Variants in ATP8A2 observed in about 807,000 individuals in gnomAD.
The protein encoded by ATP8A2 is phospholipid-transporting ATPase IB.
A neutral mutation model predicts 165.6 loss-of-function variants in ATP8A2; 100 were observed. That is an observed-to-expected ratio of 0.60 (90% CI 0.51 to 0.71). ATP8A2 has a LOEUF of 0.71. Among genes scored for constraint, ATP8A2 ranks in the 30% least tolerant of loss-of-function variants. The pLI, the probability that ATP8A2 is intolerant of heterozygous loss-of-function variation, is 0.00. For missense variants in ATP8A2, 1,227 were observed against 1,479.5 expected (o/e 0.83, Z 2.80); for synonymous variants, 543 against 548.8 (o/e 0.99, Z 0.15).
chr13:25,853,405 ATATATG>A (rs879428294), intron 30 of ATP8A2, among the ~76,000 whole-genome samples: 4,899 of 138,638 alleles, frequency 0.035, 116 homozygotes, highest in African/African-American at 0.048. Context: ...AAATATATAT[ATATATG>A]TATATATATA....
intron 24 of ATP8A2, among the ~76,000 whole-genome samples, chr13:25,680,721 C>T (rs1046019446): frequency 4.6e-5 from 7 of 152,186 alleles, no homozygotes; most frequent in South Asian, 2.1e-4. Flanking sequence ...GCTCCTTGTA[C>T]GTCAGTCTCT....
At chr13:25,613,016 T>C (rs2040728209) in intron 24 of ATP8A2, among the ~76,000 whole-genome samples, 1 of 152,176 alleles carries the variant, frequency 6.6e-6, no homozygotes, top group South Asian at 2.1e-4. Flanking sequence ...TGTGAGTCCT[T>C]GCATGTTAGG....
At chr13:25,575,462 C>T (rs1593566682) in intron 19 of ATP8A2, among the ~76,000 whole-genome samples, 1 of 152,198 alleles carries the variant, frequency 6.6e-6, no homozygotes, top group Non-Finnish European at 1.5e-5. Flanking sequence ...GTTTCTTTGC[C>T]TCTTTTTAAC....
At chr13:25,535,650 C>CA (rs1327966823) in intron 6 of ATP8A2, among the ~76,000 whole-genome samples, 3 of 151,912 alleles carry the variant, frequency 2.0e-5, no homozygotes, top group Non-Finnish European at 4.4e-5. Context: ...CCCATCTCTA[C>CA]AAAAAAATAC....
intron 24 of ATP8A2, among the ~76,000 whole-genome samples, chr13:25,644,487 C>T (rs2041618461): frequency 6.7e-6 from 1 of 148,420 alleles, no homozygotes; most frequent in African/African-American, 2.5e-5. Context: ...ATTTTTGCAT[C>T]TGTGTTCATC....
At chr13:25,393,935 T>G (rs192987691) in intron 1 of ATP8A2, among the ~76,000 whole-genome samples, 1 of 152,356 alleles carries the variant, frequency 6.6e-6, no homozygotes, top group East Asian at 1.9e-4. Context: ...TTGGGAAAAC[T>G]ATGAAACTTA....
chr13:25,887,465 A>G (rs982976530), intron 33 of ATP8A2, among the ~76,000 whole-genome samples: 1 of 151,996 alleles, frequency 6.6e-6, no homozygotes, highest in Non-Finnish European at 1.5e-5. Flanking sequence ...CAGCCTCTCA[A>G]GTAGCTGGGA....
At chr13:25,907,654 A>G (rs979118286) in intron 33 of ATP8A2, among the ~76,000 whole-genome samples, 1 of 152,096 alleles carries the variant, frequency 6.6e-6, no homozygotes, top group African/African-American at 2.4e-5. Flanking sequence ...ACAAACAAAC[A>G]CTCAAAAGCC....
intron 33 of ATP8A2, among the ~76,000 whole-genome samples, chr13:25,925,561 A>C (rs1463685150): frequency 6.6e-6 from 1 of 151,754 alleles, no homozygotes; most frequent in Non-Finnish European, 1.5e-5. Flanking sequence ...AAAATTGTAG[A>C]TGGGTCTCCT....
chr13:25,591,534 C>T (rs2040078466), intron 24 of ATP8A2, among the ~76,000 whole-genome samples: 1 of 151,326 alleles, frequency 6.6e-6, no homozygotes, highest in Non-Finnish European at 1.5e-5. Context: ...GCCTATACTA[C>T]ATTTTGTTGA....
chr13:25,991,472 C>T (rs552595695), intron 35 of ATP8A2, among the ~76,000 whole-genome samples: 7 of 152,304 alleles, frequency 4.6e-5, no homozygotes, highest in East Asian at 1.9e-4. Context: ...CTTTCCATCC[C>T]GCCATTGTGC....
Position 26,020,200 on chromosome 13 carries a change from CA to C in ATP8A2, c.*216del. 1.7e-6 allele frequency: 1 copy of C among 575,500 alleles called. No individual in the cohort carries two copies. The highest frequency in any genetic ancestry group is 3.1e-6 in the Non-Finnish European group (1 of 323,176). 35.6% of individuals were successfully genotyped at this position (575,500 alleles called of 1,614,324 possible). A position where few individuals can be genotyped will look rare whatever the true frequency, so the allele number is the denominator to read the frequency against. On this transcript the variant is annotated 3_prime_UTR_variant, in exon 37 of 37. Coordinates refer to ENST00000381655, the MANE Select transcript of ATP8A2 (RefSeq NM_016529.6). The stretch of plus-strand genomic sequence containing the variant: ...TATCTTTGCCCTCCCAACTCGTCTG[CA>C]GTGCTTAGCCTAACTTTTGTTTATG...
At chr13:25,573,649 A>G (rs539600178) in intron 18 of ATP8A2, among the ~76,000 whole-genome samples, 1 of 150,824 alleles carries the variant, frequency 6.6e-6, no homozygotes, top group Non-Finnish European at 1.5e-5. Context: ...CTGCATGTGG[A>G]CGTGGTTGAT....
In ATP8A2 at chr13:25,854,867, T is replaced by G. The variant is rs545233083; in HGVS notation, c.2957-5328T>G. 2.0e-5 allele frequency among the ~76,000 whole-genome samples: 3 copies of G among 152,234 alleles called. No individual in the cohort carries two copies. The South Asian group carries it at 6.2e-4, about 32-fold the overall frequency. On this transcript the variant is annotated intron_variant, in intron 30 of 36. Transcript: ENST00000381655. ...TCATTGAAAGTATGCAATTCTATGG[T>G]TTTTAATATATTCACAGAGTTGTAC...
At chr13:25,398,665 G>A (rs2033514359) in intron 1 of ATP8A2, among the ~76,000 whole-genome samples, 1 of 152,184 alleles carries the variant, frequency 6.6e-6, no homozygotes, top group Admixed American at 6.5e-5. Flanking sequence ...AAAACTTCTG[G>A]AAACACAAAT....
intron 16 of ATP8A2, 134 bp from the exon 17 acceptor site, chr13:25,570,633 C>G: frequency 1.6e-6 from 1 of 619,990 alleles, no homozygotes; most frequent in Non-Finnish European, 2.8e-6. Flanking sequence ...GATCTGAGGT[C>G]CATATTAAGG....
At chr13:25,571,781 C>A in intron 18 of ATP8A2, 89 bp downstream of exon 18, 1 of 1,119,744 alleles carries the variant, frequency 8.9e-7, no homozygotes, top group Non-Finnish European at 1.4e-6. Flanking sequence ...AATATGATAG[C>A]TAAATTTCTC....
At chr13:25,428,135 G>T (rs2034503719) in intron 1 of ATP8A2, among the ~76,000 whole-genome samples, 1 of 152,032 alleles carries the variant, frequency 6.6e-6, no homozygotes, top group Non-Finnish European at 1.5e-5. Context: ...AGTCAGCTGT[G>T]ATGGTACCAC....
At chr13:25,465,663 T>TTTTCTTTCTTTCTTTC (rs1174243477) in intron 1 of ATP8A2, among the ~76,000 whole-genome samples, 4 of 86,450 alleles carry the variant, frequency 4.6e-5, no homozygotes, top group East Asian at 4.1e-4. Context: ...TCTTGCAGAG[T>TTTTCTTTCTTTCTTTC]TTTCTTTCTT....
Sources: allele counts gnomAD v4.1 joint callset (sites outside exome capture counted in the v4.1 genomes callset), GRCh38; gene constraint gnomAD v4.1.1; transcripts MANE v1.5; gene names NCBI Gene and HGNC (gene_info 2026-07-23, HGNC 2026-07-21).